The following RADIL variants were observed in gnomAD, a reference collection of about 807,000 sequenced individuals.
RADIL encodes the protein Rap associating with DIL domain.
A neutral mutation model predicts 97.6 loss-of-function variants in RADIL; 99 were observed. The observed-to-expected ratio is 1.01, with a 90% CI of 0.86 to 1.20. RADIL has a LOEUF of 1.20. Ranked by LOEUF, RADIL falls within the 50% of genes most tolerant of loss-of-function variation. The pLI is 0.00. For synonymous variants in RADIL, 803 were observed against 691.8 expected (o/e 1.16, Z -2.52); for missense variants, 1,765 against 1,498.9 (o/e 1.18, Z -2.93).
Position 4,817,240 on chromosome 7 carries a change from T to C in RADIL, c.1727A>G (p.Lys576Arg), listed in dbSNP as rs1167771702. The C allele has an allele frequency of 6.2e-7, 1 of 1,610,942 alleles. No homozygotes were observed. Among genetic ancestry groups the C allele is most frequent in the Non-Finnish European group, 8.5e-7 (1 of 1,178,546 alleles). The change falls in exon 7 of 15, where the codon AAG becomes AGG. Residue 576 changes from lysine to arginine, a missense_variant and splice_region_variant. By Grantham distance (26) the Lys-to-Arg change is conservative. Transcript: ENST00000399583. The surrounding 1 kb of genome is among the most constrained non-coding windows in gnomAD (Gnocchi z 8.3). ...AFQQCVYYVS[K>R]SLYICLPALL... is the part of the protein sequence containing the mutation. Reference sequence around the variant, plus strand: ...CAGAAGCAGAGCCCGTCCGTGCACCTTGGAGACATAGTAGACGCACTGCTG... The same window carrying C: ...CAGAAGCAGAGCCCGTCCGTGCACCCTGGAGACATAGTAGACGCACTGCTG...
intron 1 of RADIL, among the ~76,000 whole-genome samples, chr7:4,882,880 A>T (rs1163219261): frequency 1.3e-5 from 2 of 152,148 alleles, no homozygotes; most frequent in African/African-American, 4.8e-5. Context: ...TGTGCAATTC[A>T]GATTAGCCAA....
In RADIL at chr7:4,821,949, A is replaced by T. The variant is rs1782844823; in HGVS notation, c.1615+445T>A. On this transcript the variant is annotated intron_variant, in intron 6 of 14. Coordinates refer to ENST00000399583, the MANE Select transcript of RADIL (RefSeq NM_018059.5). This position sits in a 1 kb window ranked among gnomAD's most constrained non-coding sequence, Gnocchi z 5.2. ...CAATTTCACAACAATGACTGGCAACATCTGTCCTTCTGGAATAACGGTGTG... is the reference window on the plus strand; with the variant it reads ...CAATTTCACAACAATGACTGGCAACTTCTGTCCTTCTGGAATAACGGTGTG... 6.6e-6 allele frequency among the ~76,000 whole-genome samples: 1 copy of T among 152,134 alleles called. No individual in the cohort carries two copies. Among genetic ancestry groups the T allele is most frequent in the East Asian group, 1.9e-4 (1 of 5,198 alleles).
At chr7:4,838,544 C>T (rs371117870) in intron 2 of RADIL, among the ~76,000 whole-genome samples, 5 of 152,176 alleles carry the variant, frequency 3.3e-5, no homozygotes, top group African/African-American at 1.2e-4. Context: ...TGAGTGTACC[C>T]TGCTCCTCCA....
Position 4,873,213 on chromosome 7 carries a change from G to A in RADIL, c.535+4392C>T, listed in dbSNP as rs1229323943. Among the ~76,000 whole-genome samples the A allele has an allele frequency of 5.3e-5, 8 of 152,132 alleles. No homozygotes were observed. Among genetic ancestry groups the A allele is most frequent in the Non-Finnish European group, 7.4e-5 (5 of 68,022 alleles). On this transcript the variant is annotated intron_variant, in intron 2 of 14. Transcript: ENST00000399583. The surrounding 1 kb of genome is among the most constrained non-coding windows in gnomAD (Gnocchi z 4.3). ...CTCCCAAAGTGCTGGGATTACACGC[G>A]TGAGCCACCGCGCCCGGCCAAGTGT...
At chr7:4,806,226 C>T (rs1333578933) in intron 9 of RADIL, among the ~76,000 whole-genome samples, 5 of 152,226 alleles carry the variant, frequency 3.3e-5, no homozygotes, top group African/African-American at 4.8e-5. Context: ...CACAGCTCAC[C>T]GCAGCCTCGA....
In RADIL at chr7:4,878,293, C is replaced by CCT; in HGVS notation, c.-64-91_-64-90insAG. 2 of 871,338 alleles carry CCT rather than the reference C, an allele frequency of 2.3e-6. No homozygotes were observed. Among genetic ancestry groups the CCT allele is most frequent in the South Asian group, 3.7e-5 (2 of 54,344 alleles). 54.0% of individuals were successfully genotyped at this position (871,338 alleles called of 1,614,324 possible). On this transcript the variant is annotated intron_variant, in intron 1 of 14. Transcript: ENST00000399583. This position sits in a 1 kb window ranked among gnomAD's most constrained non-coding sequence, Gnocchi z 4.1. ...AGGCGGTGACTCCTGCCCGTCATCC[C>CCT]AGCGCTTTAGAAGGCCAAGGTGGGA...
At chr7:4,868,715 G>T in intron 2 of RADIL, among the ~76,000 whole-genome samples, 1 of 152,124 alleles carries the variant, frequency 6.6e-6, no homozygotes, top group Non-Finnish European at 1.5e-5. Context: ...TTTTCTTCTA[G>T]TATATCACCT....
intron 12 of RADIL, among the ~76,000 whole-genome samples, 172 bp from the exon 13 acceptor site, chr7:4,800,482 C>A (rs1016897073): frequency 6.6e-6 from 1 of 152,236 alleles, no homozygotes; most frequent in African/African-American, 2.4e-5. Flanking sequence ...ACATTAGGGT[C>A]GGGGTCCGCC....
Position 4,815,197 on chromosome 7 carries a change from A to C in RADIL, c.2139+81T>G. On this transcript the variant is annotated intron_variant, in intron 9 of 14. Transcript: ENST00000399583. This position sits in a 1 kb window ranked among gnomAD's most constrained non-coding sequence, Gnocchi z 8.0. ...GCCAAGAAGCCCCGTCCCGGCCCCCAGGCTTGGTTTGTGAGCCAGGGACCC... is the reference window on the plus strand; with the variant it reads ...GCCAAGAAGCCCCGTCCCGGCCCCCCGGCTTGGTTTGTGAGCCAGGGACCC... 1 of 1,421,868 alleles carries C rather than the reference A, an allele frequency of 7.0e-7. No homozygotes were observed. Among genetic ancestry groups the C allele is most frequent in the African/African-American group, 1.4e-5 (1 of 69,092 alleles). 88.1% of individuals were successfully genotyped at this position (1,421,868 alleles called of 1,614,324 possible).
At chr7:4,871,912 G>A (rs530013612) in intron 2 of RADIL, among the ~76,000 whole-genome samples, 23 of 152,250 alleles carry the variant, frequency 1.5e-4, no homozygotes, top group African/African-American at 4.3e-4. Context: ...AAACCTCGGC[G>A]GCTTTACAAA....
chr7:4,882,315 G>C (rs1053140789), intron 1 of RADIL: 1 of 152,260 alleles, frequency 6.6e-6, no homozygotes, highest in Non-Finnish European at 1.5e-5. Context: ...AGCACGCCCT[G>C]GGTAACAAGA....
chr7:4,880,448 T>G lies in RADIL; in HGVS notation c.-64-2245A>C, dbSNP rs1428892842. On this transcript the variant is annotated intron_variant, in intron 1 of 14. Coordinates refer to ENST00000399583, the MANE Select transcript of RADIL (RefSeq NM_018059.5). This position sits in a 1 kb window ranked among gnomAD's most constrained non-coding sequence, Gnocchi z 4.5. Reference sequence around the variant, plus strand: ...GCCCTCTAGTCTGACCTCAGTCTCCTGTGGTCAGTTTTCAAAGTGAGTACT... The same window carrying G: ...GCCCTCTAGTCTGACCTCAGTCTCCGGTGGTCAGTTTTCAAAGTGAGTACT... Among the ~76,000 whole-genome samples, 2 of 152,174 alleles carry G rather than the reference T, an allele frequency of 1.3e-5. No individual in the cohort carries two copies. The highest frequency in any genetic ancestry group is 3.9e-4 in the East Asian group (2 of 5,188).
At position 4,801,749 on chromosome 7, in the gene RADIL, C is replaced by G. The variant is rs760725645; in HGVS notation, c.2746G>C (p.Asp916His). Residue 916 changes from aspartate (D) to histidine (H), a missense_variant, in exon 12 of 15, where the codon GAC becomes CAC. Asp to His is a moderately conservative substitution (Grantham distance 81). Coordinates refer to ENST00000399583, the MANE Select transcript of RADIL (RefSeq NM_018059.5). ...PSTPLGPEPGDPDWPESGGPC... is the reference protein window; with the variant it reads ...PSTPLGPEPGHPDWPESGGPC... ...CCGCCGGACTCTGGCCAGTCGGGGT[C>G]CCCAGGCTCAGGGCCAAGTGGAGTG... 1 of 1,610,408 alleles carries G rather than the reference C, an allele frequency of 6.2e-7. No homozygotes were observed. Among genetic ancestry groups the G allele is most frequent in the Non-Finnish European group, 8.5e-7 (1 of 1,179,044 alleles).
intron 6 of RADIL, among the ~76,000 whole-genome samples, chr7:4,820,160 T>C (rs1410135194): frequency 6.6e-6 from 1 of 152,214 alleles, no homozygotes; most frequent in East Asian, 1.9e-4. Context: ...AAGGACCAAG[T>C]GCACTGCAAG....
In RADIL at chr7:4,809,663, T is replaced by TTATC. The variant is rs1471273851; in HGVS notation, c.2140-3948_2140-3947insGATA. ...AGGAGTATTTTACATCTTATTTTAT[T>TTATC]TATTTATTTATTTTATTTTATTTAA... On this transcript the variant is annotated intron_variant, in intron 9 of 14. Coordinates refer to ENST00000399583, the MANE Select transcript of RADIL (RefSeq NM_018059.5). 3.2e-6 allele frequency: 3 copies of TTATC among 950,054 alleles called. No homozygotes were observed. In the African/African-American group the frequency reaches 5.5e-5, roughly 17 times the overall value. 58.9% of individuals were successfully genotyped at this position (950,054 alleles called of 1,614,324 possible). A position where few individuals can be genotyped will look rare whatever the true frequency, so the allele number is the denominator to read the frequency against.
intron 12 of RADIL, among the ~76,000 whole-genome samples, chr7:4,800,522 G>A (rs1372152984): frequency 6.6e-6 from 1 of 152,114 alleles, no homozygotes; most frequent in Non-Finnish European, 1.5e-5. Flanking sequence ...TTCCCTGAGG[G>A]AGCACCTCAG....
chr7:4,805,610 G>A lies in RADIL; in HGVS notation c.2246C>T (p.Thr749Ile), dbSNP rs899882841. 3.7e-6 allele frequency: 6 copies of A among 1,611,700 alleles called. No individual in the cohort carries two copies. In the African/African-American group the frequency reaches 5.3e-5, roughly 14 times the overall value. The change falls in exon 10 of 15, where the codon ACC becomes ATC. Residue 749 changes from threonine to isoleucine, a missense_variant. Thr to Ile is a moderately conservative substitution (Grantham distance 89). Transcript: ENST00000399583. ...QLASAMGPMS[T>I]WEPGAQDSPE... ...GCTGTCCTGGGCCCCTGGCTCCCAG[G>A]TGCTCATGGGGCCCATGGCCGAGGC...
rs1161877530 is a variant in RADIL at position 4,833,129 on chromosome 7, G to T, written c.1417-951C>A. ...AGGGAGTGGGCCAGCCACACAGCGAGCCCCAGGTGGCTGGGACACAGGCTG... is the reference window on the plus strand; with the variant it reads ...AGGGAGTGGGCCAGCCACACAGCGATCCCCAGGTGGCTGGGACACAGGCTG... On this transcript the variant is annotated intron_variant, in intron 4 of 14. Transcript: ENST00000399583. Among the ~76,000 whole-genome samples the T allele has an allele frequency of 2.0e-5, 3 of 152,158 alleles. No homozygotes were observed. In the East Asian group the frequency reaches 5.8e-4, roughly 29 times the overall value.
rs1782201339 is a variant in RADIL, at chr7:4,803,859, CCT to C, written c.2291-107_2291-106del. On this transcript the variant is annotated intron_variant, in intron 10 of 14. Transcript: ENST00000399583. ...GAACCCAGGGGCCAGCAGATTGAGC[CCT>C]GAGTCCCCTGCCCTGTGGACACAGG... The C allele has an allele frequency of 6.0e-6, 6 of 994,414 alleles. 1 individual carries two copies. Among genetic ancestry groups the C allele is most frequent in the Non-Finnish European group, 9.3e-6 (6 of 646,772 alleles). 61.6% of individuals were successfully genotyped at this position (994,414 alleles called of 1,614,324 possible).
Sources: gnomAD v4.1 joint callset for allele counts (sites outside exome capture counted in the v4.1 genomes callset) on GRCh38, gnomAD v4.1.1 for gene constraint, Gnocchi (gnomAD v3.1) non-coding constraint, MANE v1.5 for transcripts, NCBI Gene and HGNC (gene_info 2026-07-23, HGNC 2026-07-21) for gene names.